CAPS2: variants seen among roughly 807,000 people sequenced by gnomAD.
CAPS2 encodes the protein calcyphosine 2.
In CAPS2, 98 loss-of-function variants were observed where a neutral mutation model predicts 86.5. That is an observed-to-expected ratio of 1.13 (90% CI 0.96 to 1.34). The LOEUF (loss-of-function observed/expected upper bound fraction) is 1.34. Ranked by LOEUF, CAPS2 falls within the 40% of genes most tolerant of loss-of-function variation. The pLI is 0.00. For missense variants in CAPS2, 729 were observed against 686.8 expected, an observed-to-expected ratio of 1.06 and a Z score of -0.69; for synonymous variants, 210 against 225.1, an observed-to-expected ratio of 0.93 and a Z score of 0.60.
chr12:75,323,877 T>C (rs1300522903), intron 2 of CAPS2, among the ~76,000 whole-genome samples: 2 of 152,238 alleles, frequency 1.3e-5, no homozygotes, highest in East Asian at 1.9e-4. Flanking sequence ...AGTGTAATAG[T>C]GTGCATCTCT....
At chr12:75,309,616 AAAC>A (rs752032673) in intron 7 of CAPS2, among the ~76,000 whole-genome samples, 1 of 152,248 alleles carries the variant, frequency 6.6e-6, no homozygotes, top group Non-Finnish European at 1.5e-5. Flanking sequence ...TATGAAAATG[AAAC>A]AACAATTCAA....
chr12:75,368,403 CT>C (rs1212014642), intron 1 of CAPS2, among the ~76,000 whole-genome samples: 4 of 151,622 alleles, frequency 2.6e-5, no homozygotes, highest in East Asian at 3.9e-4. Context: ...TACTTCTTTT[CT>C]TTTAGTGTCT....
At chr12:75,347,698 T>C (rs2042547191) in intron 1 of CAPS2, 1 of 1,602,746 alleles carries the variant, frequency 6.2e-7, no homozygotes, top group Non-Finnish European at 8.5e-7. Context: ...TCAACTGCAA[T>C]ATTTGTATGC....
Position 75,325,222 on chromosome 12 carries a change from G to C in CAPS2, c.131+17C>G. On this transcript the variant is annotated intron_variant, in intron 2 of 16. Transcript: ENST00000393284. The stretch of plus-strand genomic sequence containing the variant: ...TGTGCCCATTAAACAGTCCAAATGT[G>C]AAGAAACGTAACTTACACTGGTGGG... The C allele has an allele frequency of 2.6e-6, 4 of 1,547,386 alleles. No homozygotes were observed. Among genetic ancestry groups the C allele is most frequent in the Non-Finnish European group, 3.5e-6 (4 of 1,145,294 alleles).
At chr12:75,318,070 CA>C in intron 5 of CAPS2, 1 of 152,150 alleles carries the variant, frequency 6.6e-6, no homozygotes, top group Non-Finnish European at 1.5e-5. Context: ...TTAGAGTCCA[CA>C]TATAAGTGAA....
intron 7 of CAPS2, 200 bp from the exon 8 acceptor site, chr12:75,305,076 A>G (rs2038291436): frequency 5.0e-6 from 2 of 396,892 alleles, no homozygotes; most frequent in South Asian, 5.5e-5. Context: ...CAGAAGTATT[A>G]TCCAAAACGG....
chr12:75,344,009 G>T, intron 1 of CAPS2: 4 of 1,271,846 alleles, frequency 3.1e-6, no homozygotes, highest in Non-Finnish European at 4.4e-6. Context: ...TTATTTCTCT[G>T]TATGTAAAGT....
At chr12:75,312,239 T>G (rs2039311766) in intron 7 of CAPS2, among the ~76,000 whole-genome samples, 1 of 152,180 alleles carries the variant, frequency 6.6e-6, no homozygotes, top group African/African-American at 2.4e-5. Flanking sequence ...ACAGGGGTAC[T>G]ATGGGATATT....
chr12:75,351,023 AAACAC>A (rs2139437277), intron 1 of CAPS2, among the ~76,000 whole-genome samples: 1 of 152,356 alleles, frequency 6.6e-6, no homozygotes, highest in South Asian at 2.1e-4. Flanking sequence ...TGGAGCTGTA[AAACAC>A]AACACAAGAA....
At chr12:75,304,186 C>G (rs552687200) in intron 8 of CAPS2, among the ~76,000 whole-genome samples, 1 of 151,636 alleles carries the variant, frequency 6.6e-6, no homozygotes, top group Non-Finnish European at 1.5e-5. Context: ...TGGGACAAAA[C>G]GATTAAAAAA....
chr12:75,385,231 G>A (rs974992199), intron 1 of CAPS2, among the ~76,000 whole-genome samples: 1 of 152,072 alleles, frequency 6.6e-6, no homozygotes, highest in African/African-American at 2.4e-5. Flanking sequence ...AAATTACCCA[G>A]TTTCAAGTAT....
intron 1 of CAPS2, among the ~76,000 whole-genome samples, chr12:75,347,042 C>T (rs867262580): frequency 1.5e-4 from 22 of 151,398 alleles, no homozygotes; most frequent in African/African-American, 5.1e-4. Context: ...AAGTCTTCTT[C>T]CTTTTGAATA....
intron 1 of CAPS2, among the ~76,000 whole-genome samples, chr12:75,367,941 C>T (rs1056236229): frequency 6.6e-6 from 1 of 152,116 alleles, no homozygotes; most frequent in Non-Finnish European, 1.5e-5. Context: ...CATTGGTCCT[C>T]ATAGCCAGGT....
intron 1 of CAPS2, among the ~76,000 whole-genome samples, chr12:75,339,887 A>C (rs956872218): frequency 2.6e-4 from 39 of 152,134 alleles, no homozygotes; most frequent in Admixed American, 2.5e-3. Context: ...AGCAGTGCCC[A>C]ATGTGTAGTC....
intron 1 of CAPS2, among the ~76,000 whole-genome samples, chr12:75,367,612 G>C (rs886294482): frequency 1.3e-5 from 2 of 151,802 alleles, no homozygotes. Flanking sequence ...TTTGATAATT[G>C]ATTTTATTGC....
intron 1 of CAPS2, among the ~76,000 whole-genome samples, chr12:75,366,597 T>C (rs2043978680): frequency 1.3e-5 from 2 of 151,916 alleles, no homozygotes; most frequent in Non-Finnish European, 2.9e-5. Flanking sequence ...ACACGGCACC[T>C]CAAAGTGGAT....
intron 1 of CAPS2, chr12:75,360,406 T>C (rs1300605902): frequency 6.6e-6 from 1 of 152,184 alleles, no homozygotes; most frequent in Non-Finnish European, 1.5e-5. Flanking sequence ...AGTTCCTTCC[T>C]AGATACAATG....
In CAPS2 at chr12:75,304,883, A is replaced by G. The variant is rs1206336187; in HGVS notation, c.660-7T>C. 1 of 1,601,622 alleles carries G rather than the reference A, an allele frequency of 6.2e-7. No individual in the cohort carries two copies. The highest frequency in any genetic ancestry group is 1.1e-5 in the South Asian group (1 of 88,370). On this transcript the variant is annotated splice_region_variant and splice_polypyrimidine_tract_variant and intron_variant, in intron 7 of 16. Coordinates refer to ENST00000393284, the Ensembl canonical transcript of CAPS2. ...TGGATCACTGATGACAGCCCTATAC[A>G]GGAAAATAAAAAGTCCAACAATTAA...
Position 75,325,297 on chromosome 12 carries a change from A to T in CAPS2, c.82-9T>A, listed in dbSNP as rs777520916. 1.7e-4 allele frequency: 231 copies of T among 1,392,348 alleles called. 1 individual carries two copies. Among genetic ancestry groups the T allele is most frequent in the Middle Eastern group, 6.3e-4 (3 of 4,770 alleles). 86.2% of individuals were successfully genotyped at this position (1,392,348 alleles called of 1,614,324 possible). On this transcript the variant is annotated splice_polypyrimidine_tract_variant and intron_variant, in intron 1 of 16. Transcript: ENST00000393284. ...TCAGAAGTCCACCTTTGCTTTAATT[A>T]AAAAAAAAACTTTTTGAATCAGTAT...
Sources: allele counts gnomAD v4.1 joint callset (sites outside exome capture counted in the v4.1 genomes callset), GRCh38; gene constraint gnomAD v4.1.1; transcripts MANE v1.5; gene names NCBI Gene and HGNC (gene_info 2026-07-23, HGNC 2026-07-21).